TXNL1: variants seen among roughly 807,000 people sequenced by gnomAD.
TXNL1 encodes thioredoxin like 1, also known as thioredoxin-like protein 1.
A neutral mutation model predicts 35.5 loss-of-function variants in TXNL1; 14 were observed. The ratio of observed to expected loss-of-function variants is 0.39; its 90% CI spans 0.26 to 0.62. TXNL1 has a LOEUF of 0.62. Among genes scored for constraint, TXNL1 ranks in the 20% least tolerant of loss-of-function variants. TXNL1 has a pLI of 0.47. For synonymous variants in TXNL1, 110 were observed against 115.5 expected, an observed-to-expected ratio of 0.95 and a Z score of 0.31; for missense variants, 263 against 349.7, an observed-to-expected ratio of 0.75 and a Z score of 1.98.
intron 1 of TXNL1, among the ~76,000 whole-genome samples, chr18:56,626,797 C>CTT (rs386387792): frequency 0.02 from 1,108 of 54,908 alleles, 129 homozygotes; most frequent in South Asian, 0.031. Context: ...CCAAGCCGGT[C>CTT]TTTTTTTTTT....
intron 3 of TXNL1, among the ~76,000 whole-genome samples, chr18:56,618,713 A>G (rs1049705374): frequency 2.6e-5 from 4 of 151,964 alleles, no homozygotes; most frequent in Non-Finnish European, 5.9e-5. Context: ...GCATCTTTTC[A>G]TTTCATTCAT....
rs780041224 is a variant in TXNL1, at chr18:56,614,642, T to C, written c.563-46A>G. On this transcript the variant is annotated intron_variant, in intron 5 of 7. Coordinates refer to ENST00000217515, the MANE Select transcript of TXNL1 (RefSeq NM_004786.3). ...ATAAAATGTTTAAAAACCTCAAATA[T>C]ACTATACTCCCTTTACCACTACACT... 11 of 1,491,082 alleles carry C rather than the reference T, an allele frequency of 7.4e-6. No homozygotes were observed. The Middle Eastern group carries it at 5.5e-4, about 74-fold the overall frequency. The allele number at this position is 1,491,082 out of a possible 1,614,324, so 92.4% of individuals were successfully genotyped here.
At chr18:56,603,094 T>C in intron 7 of TXNL1, 38 bp from the exon 8 acceptor site, 2 of 1,524,638 alleles carry the variant, frequency 1.3e-6, no homozygotes, top group Non-Finnish European at 9.1e-7. Flanking sequence ...TACATCCTAT[T>C]GATTTTAAAT....
At chr18:56,610,420 T>TC (rs1310577557) in intron 7 of TXNL1, 1 of 152,548 alleles carries the variant, frequency 6.6e-6, no homozygotes, top group Non-Finnish European at 1.5e-5. Flanking sequence ...TATAATTGTG[T>TC]CTTTTCAAAA....
intron 5 of TXNL1, among the ~76,000 whole-genome samples, chr18:56,614,828 T>C (rs955426241): frequency 1.3e-5 from 2 of 152,140 alleles, no homozygotes; most frequent in Non-Finnish European, 2.9e-5. Context: ...TGGTAAATAT[T>C]AGGAATATAA....
intron 7 of TXNL1, among the ~76,000 whole-genome samples, chr18:56,603,327 A>C (rs547470124): frequency 1.3e-5 from 2 of 150,272 alleles, no homozygotes; most frequent in Admixed American, 1.3e-4. Context: ...CAAGGTTGAA[A>C]GTTTAGAGAA....
At chr18:56,611,402 T>TG (rs1356513162) in intron 6 of TXNL1, among the ~76,000 whole-genome samples, 37 of 149,998 alleles carry the variant, frequency 2.5e-4, no homozygotes, top group Non-Finnish European at 4.4e-5. Flanking sequence ...CTCGGGAGGC[T>TG]GGGGCAGGAG....
chr18:56,631,369 T>G (rs1053103357), intron 1 of TXNL1, among the ~76,000 whole-genome samples: 1 of 152,210 alleles, frequency 6.6e-6, no homozygotes, highest in South Asian at 2.1e-4. Flanking sequence ...TTACACCTTT[T>G]TCTCTTGCAC....
rs530831061 is a variant in TXNL1, at chr18:56,597,558, C to T, written c.*5469G>A. On this transcript the variant is annotated 3_prime_UTR_variant, in exon 8 of 8. Coordinates refer to ENST00000217515, the MANE Select transcript of TXNL1 (RefSeq NM_004786.3). The stretch of plus-strand genomic sequence containing the variant: ...ATTAACACTACTTTATTACCACCTC[C>T]TGTTTTTCCTCCCTTTCCTGTTTAC... The T allele has an allele frequency of 2.6e-5, 4 of 152,310 alleles. No individual in the cohort carries two copies. Among genetic ancestry groups the T allele is most frequent in the African/African-American group, 7.2e-5 (3 of 41,576 alleles). The allele number at this position is 152,310 out of a possible 1,614,324, so 9.4% of individuals were successfully genotyped here.
intron 1 of TXNL1, among the ~76,000 whole-genome samples, chr18:56,636,965 G>A (rs1205891212): frequency 6.6e-6 from 1 of 152,052 alleles, no homozygotes. Context: ...CTAAAAATGA[G>A]AAGACACATT....
intron 7 of TXNL1, chr18:56,610,680 T>C (rs2023975618): frequency 6.2e-6 from 1 of 161,086 alleles, no homozygotes; most frequent in South Asian, 1.9e-4. Flanking sequence ...TTTCAAATGA[T>C]TTTACTTTCA....
chr18:56,605,910 G>A lies in TXNL1; in HGVS notation c.841-2854C>T, dbSNP rs1398114406. Among the ~76,000 whole-genome samples, 14 of 152,226 alleles carry A rather than the reference G, an allele frequency of 9.2e-5. No homozygotes were observed. In the South Asian group the frequency reaches 1.2e-3, roughly 14 times the overall value. ...AAGAAGTCAGTGACATACTAAAAAC[G>A]GAAATTATCCAGAAACAGCTCACAC... is the stretch of plus-strand genomic sequence containing the variant. On this transcript the variant is annotated intron_variant, in intron 7 of 7. Transcript: ENST00000217515.
rs1276162285 is a variant in TXNL1 at position 56,618,134 on chromosome 18, A to C, written c.370-8T>G. 14 of 1,611,932 alleles carry C rather than the reference A, an allele frequency of 8.7e-6. No individual in the cohort carries two copies. Among genetic ancestry groups the C allele is most frequent in the Non-Finnish European group, 1.2e-5 (14 of 1,178,722 alleles). On this transcript the variant is annotated splice_polypyrimidine_tract_variant and splice_region_variant and intron_variant, in intron 3 of 7. Coordinates refer to ENST00000217515, the MANE Select transcript of TXNL1 (RefSeq NM_004786.3). ...AAAAGGCATTAAATCCATCTGAAAA[A>C]AAATTGCAAGATTTTAGGCAACATA...
rs1010554849 is a variant in TXNL1, at chr18:56,610,842, C to T, written c.840+151G>A. 10 of 497,794 alleles carry T rather than the reference C, an allele frequency of 2.0e-5. No individual in the cohort carries two copies. The African/African-American group carries it at 2.1e-4, about 10-fold the overall frequency. The allele number at this position is 497,794 out of a possible 1,614,324, so 30.8% of individuals were successfully genotyped here. A position where few individuals can be genotyped will look rare whatever the true frequency, so the allele number is the denominator to read the frequency against. On this transcript the variant is annotated intron_variant, in intron 7 of 7. Coordinates refer to ENST00000217515, the MANE Select transcript of TXNL1 (RefSeq NM_004786.3). ...ATATCTAAAAATATAGTTAGGGGAA[C>T]TTTCTATCCTAGTTTAGCCTTGTAA...
chr18:56,632,695 CTA>C (rs2024393057), intron 1 of TXNL1, among the ~76,000 whole-genome samples: 1 of 152,170 alleles, frequency 6.6e-6, no homozygotes, highest in Non-Finnish European at 1.5e-5. Flanking sequence ...CAAAACTGAT[CTA>C]TAGTGTTAGA....
intron 1 of TXNL1, among the ~76,000 whole-genome samples, chr18:56,633,819 A>G (rs1407706922): frequency 6.6e-6 from 1 of 151,518 alleles, no homozygotes; most frequent in Non-Finnish European, 1.5e-5. Context: ...CCCCGTCTCT[A>G]CTAAAAATAC....
At chr18:56,636,054 G>A (rs1202717083) in intron 1 of TXNL1, among the ~76,000 whole-genome samples, 1 of 152,126 alleles carries the variant, frequency 6.6e-6, no homozygotes, top group Admixed American at 6.5e-5. Flanking sequence ...CATGGATACA[G>A]AGGGCTGACT....
chr18:56,614,368 A>C, intron 6 of TXNL1, 56 bp downstream of exon 6: 1 of 1,487,808 alleles, frequency 6.7e-7, no homozygotes, highest in South Asian at 1.2e-5. Flanking sequence ...AGGATACTGA[A>C]AATAGTATTG....
At chr18:56,607,560 C>T (rs1228898400) in intron 7 of TXNL1, among the ~76,000 whole-genome samples, 11 of 151,958 alleles carry the variant, frequency 7.2e-5, no homozygotes, top group African/African-American at 2.7e-4. Flanking sequence ...GTAATATATC[C>T]CGATTAAACC....
Sources: allele counts gnomAD v4.1 joint callset (sites outside exome capture counted in the v4.1 genomes callset), GRCh38; gene constraint gnomAD v4.1.1; transcripts MANE v1.5; gene names NCBI Gene and HGNC (gene_info 2026-07-23, HGNC 2026-07-21).